The following XKR9 variants were observed in gnomAD, a reference collection of about 807,000 sequenced individuals.
The protein encoded by XKR9 is XK-related protein 9.
Under a neutral mutation model 32.0 loss-of-function variants are expected in XKR9, and 32 were observed. That is an observed-to-expected ratio of 1.00 (90% CI 0.76 to 1.34). The LOEUF is 1.34. Among genes scored for constraint, XKR9 ranks in the 40% most tolerant of loss-of-function variants. The probability of loss-of-function intolerance (pLI) is 0.00; values close to 1 mark genes in which losing one functional copy is unlikely to be tolerated. For synonymous variants in XKR9, 168 were observed against 143.4 expected, an observed-to-expected ratio of 1.17 and a Z score of -1.22; for missense variants, 546 against 429.7, an observed-to-expected ratio of 1.27 and a Z score of -2.39.
the XKR9 span, among the ~76,000 whole-genome samples, chr8:70,805,473 A>G: frequency 3.3e-5 from 5 of 152,212 alleles, no homozygotes; most frequent in African/African-American, 1.2e-4. Flanking sequence ...GGCAGAAGCC[A>G]GCACCGGGAC....
the XKR9 span, among the ~76,000 whole-genome samples, chr8:70,961,627 T>A: frequency 7.9e-5 from 12 of 152,372 alleles, no homozygotes; most frequent in African/African-American, 2.9e-4. Flanking sequence ...TTTAAACATA[T>A]AATCATTGTA....
the XKR9 span, among the ~76,000 whole-genome samples, chr8:71,000,913 G>C: frequency 1.3e-5 from 2 of 152,312 alleles, no homozygotes; most frequent in African/African-American, 4.8e-5. Context: ...ACTTCTTCTT[G>C]GAAGGGTAAC....
At chr8:71,064,367 TTAAG>T in the XKR9 span, among the ~76,000 whole-genome samples, 1 of 152,176 alleles carries the variant, frequency 6.6e-6, no homozygotes, top group Non-Finnish European at 1.5e-5. Context: ...TTTTTTAACT[TTAAG>T]TAATAGTGAA....
intron 4 of XKR9, among the ~76,000 whole-genome samples, chr8:70,721,440 G>A (rs974684392): frequency 2.0e-5 from 3 of 152,138 alleles, no homozygotes; most frequent in Admixed American, 6.5e-5. Flanking sequence ...TGAGCATTTA[G>A]TGCTATCAAT....
the XKR9 span, among the ~76,000 whole-genome samples, chr8:70,812,929 T>C: frequency 2.4e-3 from 361 of 152,268 alleles, no homozygotes; most frequent in Non-Finnish European, 4.4e-3. Flanking sequence ...CTTCACAGAA[T>C]TGGAAAAAAC....
At chr8:70,918,919 A>G in the XKR9 span, among the ~76,000 whole-genome samples, 9 of 151,486 alleles carry the variant, frequency 5.9e-5, no homozygotes, top group East Asian at 1.6e-3. Context: ...CTGTGACTAC[A>G]GGCGCCCGCC....
the XKR9 span, among the ~76,000 whole-genome samples, chr8:71,045,196 G>A: frequency 6.6e-6 from 1 of 152,310 alleles, no homozygotes; most frequent in African/African-American, 2.4e-5. Flanking sequence ...TTTAGCTTAT[G>A]ACTATAGCAA....
At chr8:70,855,141 G>A in the XKR9 span, among the ~76,000 whole-genome samples, 338 of 152,144 alleles carry the variant, frequency 2.2e-3, 2 homozygotes, top group African/African-American at 7.7e-3. Flanking sequence ...TGACTTTGAC[G>A]AGTTGAGAGA....
chr8:70,771,992 A>G (rs1807460100), intron 2 of XKR9, among the ~76,000 whole-genome samples: 1 of 152,218 alleles, frequency 6.6e-6, no homozygotes, highest in Non-Finnish European at 1.5e-5. Context: ...AAAACATAGA[A>G]AAGAAAAATG....
the XKR9 span, among the ~76,000 whole-genome samples, chr8:70,943,780 A>G: frequency 1.9e-4 from 29 of 152,164 alleles, no homozygotes; most frequent in African/African-American, 6.5e-4. Context: ...GAAATCAGGA[A>G]CTATAAAAAT....
the XKR9 span, among the ~76,000 whole-genome samples, chr8:70,895,584 CT>C: frequency 6.6e-6 from 1 of 152,060 alleles, no homozygotes; most frequent in Non-Finnish European, 1.5e-5. Flanking sequence ...AAAAGATATC[CT>C]TTTCTTCACC....
the XKR9 span, among the ~76,000 whole-genome samples, chr8:70,894,690 G>A: frequency 6.6e-6 from 1 of 152,162 alleles, no homozygotes; most frequent in African/African-American, 2.4e-5. Context: ...TTAGGATGCA[G>A]GGTACTTCTT....
the XKR9 span, among the ~76,000 whole-genome samples, chr8:70,994,665 T>A: frequency 1.3e-5 from 2 of 152,158 alleles, no homozygotes; most frequent in South Asian, 4.1e-4. Flanking sequence ...TTACTCCAAA[T>A]ATTTTTTCCA....
intron 2 of XKR9, among the ~76,000 whole-genome samples, chr8:70,766,579 AC>A (rs1389954624): frequency 1.3e-5 from 2 of 152,090 alleles, no homozygotes; most frequent in Admixed American, 1.3e-4. Context: ...CTATTTGAAT[AC>A]CCTTTATTTC....
the XKR9 span, among the ~76,000 whole-genome samples, chr8:70,859,309 A>T: frequency 3.3e-5 from 5 of 152,090 alleles, no homozygotes; most frequent in Non-Finnish European, 5.9e-5. Flanking sequence ...ATATCATCTC[A>T]CTCCAGTTAA....
chr8:70,747,572 G>C (rs961962870), intron 2 of XKR9, among the ~76,000 whole-genome samples: 1 of 152,202 alleles, frequency 6.6e-6, no homozygotes, highest in Non-Finnish European at 1.5e-5. Context: ...GGTCTCACCA[G>C]ATGTGGTCCC....
chr8:71,009,856 TAA>T, the XKR9 span, among the ~76,000 whole-genome samples: 1 of 152,168 alleles, frequency 6.6e-6, no homozygotes, highest in Non-Finnish European at 1.5e-5. Flanking sequence ...GCAAATTAAA[TAA>T]ATACACCTTG....
In XKR9 at chr8:70,681,051, C is replaced by T. The variant is rs140746582; in HGVS notation, c.-8C>T. The T allele has an allele frequency of 1.3e-4, 215 of 1,599,142 alleles. No homozygotes were observed. The African/African-American group carries it at 2.6e-3, about 19-fold the overall frequency. On this transcript the variant is annotated 5_prime_UTR_variant, in exon 3 of 5. Coordinates refer to ENST00000408926, the MANE Select transcript of XKR9 (RefSeq NM_001011720.2). Reference sequence around the variant, plus strand: ...AAAGTAGATAACGAAAAGCTATAGTCATTCGTAATGAAATATACTAAACAG... The same window carrying T: ...AAAGTAGATAACGAAAAGCTATAGTTATTCGTAATGAAATATACTAAACAG...
chr8:70,980,580 C>T, the XKR9 span, among the ~76,000 whole-genome samples: 1 of 152,360 alleles, frequency 6.6e-6, no homozygotes, highest in East Asian at 1.9e-4. Context: ...CTTATCCATT[C>T]TGCCATTCCT....
Sources: allele counts gnomAD v4.1 joint callset (sites outside exome capture counted in the v4.1 genomes callset), GRCh38; gene constraint gnomAD v4.1.1; transcripts MANE v1.5; gene names NCBI Gene and HGNC (gene_info 2026-07-23, HGNC 2026-07-21).